ST13: variants seen among roughly 807,000 people sequenced by gnomAD.
ST13 encodes hsc70-interacting protein.
ST13 carries 23 observed loss-of-function variants against 56.7 expected under a neutral mutation model. The observed-to-expected ratio is 0.41, with a 90% CI of 0.29 to 0.57. The LOEUF is 0.57. ST13 is among the 20% of genes least tolerant of loss of function. The pLI is 0.36. For missense variants in ST13, 369 were observed against 459.9 expected (o/e 0.80, Z 1.81); for synonymous variants, 132 against 142.4 (o/e 0.93, Z 0.52).
intron 2 of ST13, 60 bp downstream of exon 2, chr22:40,850,763 A>G: frequency 7.5e-7 from 1 of 1,329,148 alleles, no homozygotes; most frequent in South Asian, 1.3e-5. Context: ...GTTTAAAAAC[A>G]ACCCCTAAGA....
intron 5 of ST13, among the ~76,000 whole-genome samples, chr22:40,839,093 C>A (rs1765320052): frequency 6.6e-6 from 1 of 151,856 alleles, no homozygotes; most frequent in South Asian, 2.1e-4. Flanking sequence ...CTAAGAATAA[C>A]CTAGGGAAAG....
Position 40,840,810 on chromosome 22 carries a change from T to A in ST13, c.316-118A>T, listed in dbSNP as rs2057800719. The stretch of plus-strand genomic sequence containing the variant: ...CCCATTTTCATTCATTCTTCTGTAG[T>A]CTCCAGAGAACAAAGAGACAATTAT... On this transcript the variant is annotated intron_variant, in intron 4 of 11. Transcript: ENST00000216218. 4.0e-6 allele frequency: 3 copies of A among 753,166 alleles called. No homozygotes were observed. In the East Asian group the frequency reaches 8.1e-5, roughly 20 times the overall value. The allele number at this position is 753,166 out of a possible 1,614,324, so 46.7% of individuals were successfully genotyped here. A position where few individuals can be genotyped will look rare whatever the true frequency, so the allele number is the denominator to read the frequency against.
At chr22:40,849,125 T>A (rs191668447) in intron 2 of ST13, among the ~76,000 whole-genome samples, 59 of 152,316 alleles carry the variant, frequency 3.9e-4, no homozygotes, top group African/African-American at 8.7e-4. Context: ...CCTACCTTCA[T>A]CTATTCACTC....
intron 10 of ST13, among the ~76,000 whole-genome samples, chr22:40,828,469 C>T (rs900104757): frequency 1.5e-4 from 23 of 150,482 alleles, no homozygotes; most frequent in Non-Finnish European, 2.8e-4. Flanking sequence ...AAAAATTAGC[C>T]GGGCGTGGTG....
At chr22:40,853,304 G>C (rs2057871056) in intron 1 of ST13, among the ~76,000 whole-genome samples, 1 of 151,698 alleles carries the variant, frequency 6.6e-6, no homozygotes. Context: ...AAATTCCTTT[G>C]TACCATACCT....
intron 5 of ST13, among the ~76,000 whole-genome samples, chr22:40,840,320 A>C (rs917792930): frequency 6.6e-6 from 1 of 150,998 alleles, no homozygotes; most frequent in Non-Finnish European, 1.5e-5. Flanking sequence ...GTTAAGGGTC[A>C]CTGTTCTACT....
chr22:40,832,138 G>A (rs893508723), intron 8 of ST13: 8 of 467,946 alleles, frequency 1.7e-5, no homozygotes, highest in Admixed American at 7.1e-5. Context: ...ACAGGCATGA[G>A]CCACCGCGCC....
intron 8 of ST13, among the ~76,000 whole-genome samples, chr22:40,831,912 C>T (rs1012531564): frequency 1.3e-5 from 2 of 152,146 alleles, no homozygotes; most frequent in African/African-American, 2.4e-5. Context: ...AGTGCTGTGG[C>T]GTGATCTTGG....
intron 3 of ST13, among the ~76,000 whole-genome samples, 179 bp downstream of exon 3, chr22:40,848,115 A>C (rs1459726865): frequency 6.6e-6 from 1 of 152,210 alleles, no homozygotes; most frequent in South Asian, 2.1e-4. Context: ...TATGCCATTA[A>C]TATCTGAATT....
At position 40,824,711 on chromosome 22, in the gene ST13, CA is replaced by C. The variant is rs2057719800; in HGVS notation, c.*1826del. The C allele has an allele frequency of 6.6e-6, 1 of 152,018 alleles. No individual in the cohort carries two copies. The highest frequency in any genetic ancestry group is 1.5e-5 in the Non-Finnish European group (1 of 68,018). The allele number at this position is 152,018 out of a possible 1,614,324, so 9.4% of individuals were successfully genotyped here. On this transcript the variant is annotated 3_prime_UTR_variant, in exon 12 of 12. Coordinates refer to ENST00000216218, the MANE Select transcript of ST13 (RefSeq NM_003932.5). ...AGAAGAAACTGTTCTTGAGTTAAGC[CA>C]AGTACACACTGGCAATTTCGAGAAA...
Position 40,856,467 on chromosome 22 carries a change from G to A in ST13, c.74C>T (p.Thr25Ile), listed in dbSNP as rs756407704. Reference sequence around the variant, plus strand: ...CTCCCTCAGGAAGCGCATTTCCTCGGTGTGCAGAACGCTCGGATCCTGCTT... The same window carrying A: ...CTCCCTCAGGAAGCGCATTTCCTCGATGTGCAGAACGCTCGGATCCTGCTT... ...MCKQDPSVLHTEEMRFLREWV... is the reference protein window; with the variant it reads ...MCKQDPSVLHIEEMRFLREWV... Residue 25 changes from threonine to isoleucine, a missense_variant, in exon 1 of 12, where the codon ACC (threonine) becomes ATC (isoleucine). By Grantham distance (89) the Thr-to-Ile change is moderately conservative (BLOSUM62 -1). This residue lies in a region of ST13 where 169 missense variants were observed against 175.6 expected (regional missense o/e 0.96). Transcript: ENST00000216218. 118 of 1,613,490 alleles carry A rather than the reference G, an allele frequency of 7.3e-5. No homozygotes were observed. Among genetic ancestry groups the A allele is most frequent in the Non-Finnish European group, 9.6e-5 (113 of 1,179,722 alleles).
chr22:40,856,358 G>C lies in ST13; in HGVS notation c.110+73C>G. On this transcript the variant is annotated intron_variant, in intron 1 of 11. Coordinates refer to ENST00000216218, the MANE Select transcript of ST13 (RefSeq NM_003932.5). ...GACCCCGCCTCGCCCGCCGGACCGAGCCAGGTCCAGCCTGGCTCCCCCCTG... is the reference window on the plus strand; with the variant it reads ...GACCCCGCCTCGCCCGCCGGACCGACCCAGGTCCAGCCTGGCTCCCCCCTG... The C allele has an allele frequency of 6.6e-6, 9 of 1,368,800 alleles. 1 individual carries two copies. The South Asian group carries it at 1.1e-4, about 16-fold the overall frequency. 84.8% of individuals were successfully genotyped at this position (1,368,800 alleles called of 1,614,324 possible). A position where few individuals can be genotyped will look rare whatever the true frequency, so the allele number is the denominator to read the frequency against.
At chr22:40,855,413 CCTG>C (rs1346117811) in intron 1 of ST13, among the ~76,000 whole-genome samples, 2 of 152,190 alleles carry the variant, frequency 1.3e-5, no homozygotes, top group East Asian at 3.8e-4. Context: ...CTGTATGCGG[CCTG>C]GACAATACAG....
At chr22:40,854,040 T>C (rs979999317) in intron 1 of ST13, among the ~76,000 whole-genome samples, 1 of 152,258 alleles carries the variant, frequency 6.6e-6, no homozygotes, top group East Asian at 1.9e-4. Flanking sequence ...TAAATCCTTA[T>C]ATCAAATAAA....
At chr22:40,834,389 A>G (rs945695770) in intron 7 of ST13, among the ~76,000 whole-genome samples, 5 of 152,238 alleles carry the variant, frequency 3.3e-5, no homozygotes, top group Non-Finnish European at 5.9e-5. Flanking sequence ...AGTTTTATGT[A>G]TATCACAGCA....
chr22:40,837,449 C>T (rs1426415044), intron 5 of ST13, among the ~76,000 whole-genome samples: 1 of 152,090 alleles, frequency 6.6e-6, no homozygotes, highest in African/African-American at 2.4e-5. Flanking sequence ...AATACCAAGA[C>T]CAGCCTGACC....
chr22:40,844,564 A>G (rs534338104), intron 4 of ST13, among the ~76,000 whole-genome samples: 3 of 152,152 alleles, frequency 2.0e-5, no homozygotes, highest in South Asian at 4.1e-4. Flanking sequence ...ATCAAGAGCA[A>G]CTCCACTAAT....
chr22:40,836,109 C>T (rs1411511552), intron 5 of ST13, among the ~76,000 whole-genome samples: 2 of 152,152 alleles, frequency 1.3e-5, no homozygotes, highest in East Asian at 3.8e-4. Context: ...AAGCCCCTAA[C>T]TAACAATAGA....
chr22:40,833,739 C>T (rs756941490), intron 7 of ST13, among the ~76,000 whole-genome samples: 117 of 151,822 alleles, frequency 7.7e-4, no homozygotes, highest in African/African-American at 2.6e-3. Flanking sequence ...CACATGGTAG[C>T]GCACACCTGT....
Sources: gnomAD v4.1 joint callset for allele counts (sites outside exome capture counted in the v4.1 genomes callset) on GRCh38, gnomAD v4.1.1 for gene constraint, gnomAD v4.1.1 regional missense constraint, MANE v1.5 for transcripts, NCBI Gene and HGNC (gene_info 2026-07-23, HGNC 2026-07-21) for gene names.